ZBTB16: variants seen among roughly 807,000 people sequenced by gnomAD.
ZBTB16 encodes zinc finger and BTB domain containing 16.
ZBTB16 carries 8 observed loss-of-function variants against 56.8 expected under a neutral mutation model. That is an observed-to-expected ratio of 0.14 (90% CI 0.08 to 0.25). The LOEUF (loss-of-function observed/expected upper bound fraction) is 0.25. ZBTB16 is among the 10% of genes least tolerant of loss of function. The pLI, the probability that ZBTB16 is intolerant of heterozygous loss-of-function variation, is 1.00. For synonymous variants in ZBTB16, 363 were observed against 368.5 expected (o/e 0.98, Z 0.17); for missense variants, 625 against 903.0 (o/e 0.69, Z 3.95).
intron 4 of ZBTB16, among the ~76,000 whole-genome samples, chr11:114,219,052 G>A (rs920263424): frequency 6.6e-6 from 1 of 152,180 alleles, no homozygotes; most frequent in Non-Finnish European, 1.5e-5. Context: ...GCACGCCCAT[G>A]TGCTGGCATG....
rs915939444 is a variant in ZBTB16, at chr11:114,254,014, G to C, written c.*3459G>C. Among the ~76,000 whole-genome samples the C allele has an allele frequency of 1.3e-5, 2 of 152,056 alleles. No homozygotes were observed. Among genetic ancestry groups the C allele is most frequent in the Admixed American group, 1.3e-4 (2 of 15,270 alleles). ...TGAAAAACTTCTCCAGCCTGGCAAGGCCACGTTGGTTAATAGTCCCTTTCC... is the reference window on the plus strand; with the variant it reads ...TGAAAAACTTCTCCAGCCTGGCAAGCCCACGTTGGTTAATAGTCCCTTTCC... On this transcript the variant is annotated 3_prime_UTR_variant, in exon 7 of 7. Transcript: ENST00000335953.
At chr11:114,148,344 C>CGG (rs1565651513) in intron 2 of ZBTB16, among the ~76,000 whole-genome samples, 635 of 48,372 alleles carry the variant, frequency 0.013, 24 homozygotes, top group Middle Eastern at 0.032. Context: ...TGGCTTCCTT[C>CGG]CTTCCTTCCT....
At chr11:114,217,343 A>G (rs538966240) in intron 4 of ZBTB16, among the ~76,000 whole-genome samples, 1 of 152,248 alleles carries the variant, frequency 6.6e-6, no homozygotes, top group African/African-American at 2.4e-5. Context: ...AGAGGGAGGT[A>G]AGCTGTGTTT....
intron 4 of ZBTB16, among the ~76,000 whole-genome samples, chr11:114,229,514 G>T (rs1374718598): frequency 6.6e-6 from 1 of 152,144 alleles, no homozygotes; most frequent in African/African-American, 2.4e-5. Flanking sequence ...AGTATACCCG[G>T]CTGCTTCTAA....
intron 4 of ZBTB16, among the ~76,000 whole-genome samples, chr11:114,233,077 GCGCGCACACACACA>G (rs1420460053): frequency 5.6e-5 from 2 of 35,750 alleles, no homozygotes; most frequent in South Asian, 1.6e-3. Context: ...GCGCGCGCGC[GCGCGCACACACACA>G]CACACACACA....
intron 4 of ZBTB16, among the ~76,000 whole-genome samples, chr11:114,232,207 C>T (rs371877792): frequency 6.6e-6 from 1 of 152,130 alleles, no homozygotes; most frequent in Non-Finnish European, 1.5e-5. Context: ...GCTCATGCAA[C>T]CTTGCAGAGG....
At chr11:114,108,068 G>A (rs937093837) in intron 2 of ZBTB16, among the ~76,000 whole-genome samples, 5 of 152,132 alleles carry the variant, frequency 3.3e-5, no homozygotes, top group African/African-American at 4.8e-5. Flanking sequence ...AATGCTGCTT[G>A]TGAGAGGAAA....
At chr11:114,070,992 G>A (rs115429964) in intron 2 of ZBTB16, among the ~76,000 whole-genome samples, 2,687 of 152,264 alleles carry the variant, frequency 0.018, 64 homozygotes, top group African/African-American at 0.053. Flanking sequence ...CTAGCTCTGC[G>A]TTTTTCAGCT....
intron 2 of ZBTB16, among the ~76,000 whole-genome samples, chr11:114,126,970 A>G (rs1051853762): frequency 2.0e-5 from 3 of 152,180 alleles, no homozygotes; most frequent in Non-Finnish European, 4.4e-5. Flanking sequence ...GGTTGTAAGC[A>G]TCTTGAAGGC....
rs771400306 is a variant in ZBTB16, at chr11:114,255,682, G to C, written c.*5127G>C. On this transcript the variant is annotated 3_prime_UTR_variant, in exon 7 of 7. Coordinates refer to ENST00000335953, the MANE Select transcript of ZBTB16 (RefSeq NM_006006.6). ...CTGCCTTCGTTTCGTGTAGATTGAC[G>C]CGTTTCTTTGTAATTTCAGTGTTTC... is the stretch of plus-strand genomic sequence containing the variant. Among the ~76,000 whole-genome samples the C allele has an allele frequency of 6.8e-6, 1 of 147,798 alleles. No homozygotes were observed. Among genetic ancestry groups the C allele is most frequent in the South Asian group, 2.1e-4 (1 of 4,698 alleles).
At chr11:114,101,067 C>T (rs1477543912) in intron 2 of ZBTB16, among the ~76,000 whole-genome samples, 1 of 152,136 alleles carries the variant, frequency 6.6e-6, no homozygotes, top group Admixed American at 6.5e-5. Flanking sequence ...GTGGCATAAT[C>T]TCGGCTCACT....
rs577358525 is a variant in ZBTB16, at chr11:114,085,264, T to C, written c.1268+20696T>C. 5.3e-5 allele frequency among the ~76,000 whole-genome samples: 8 copies of C among 152,350 alleles called. No individual in the cohort carries two copies. The South Asian group carries it at 1.7e-3, about 32-fold the overall frequency. The stretch of plus-strand genomic sequence containing the variant: ...TGCTCTGGTATCTTCTCTTCCATTC[T>C]ATCTTATTTCATTTAAGAACGTTAA... On this transcript the variant is annotated intron_variant, in intron 2 of 6. Transcript: ENST00000335953.
At chr11:114,100,723 G>A (rs1378876514) in intron 2 of ZBTB16, among the ~76,000 whole-genome samples, 2 of 152,170 alleles carry the variant, frequency 1.3e-5, no homozygotes, top group African/African-American at 4.8e-5. Flanking sequence ...GGACCCTTTT[G>A]TGAGATGCGG....
intron 2 of ZBTB16, among the ~76,000 whole-genome samples, chr11:114,097,000 T>A (rs970501598): frequency 3.3e-5 from 5 of 152,172 alleles, no homozygotes; most frequent in African/African-American, 7.2e-5. Context: ...TGCACACCCA[T>A]GTTCATAGCA....
intron 2 of ZBTB16, among the ~76,000 whole-genome samples, chr11:114,105,532 G>T (rs143693005): frequency 2.6e-5 from 4 of 152,270 alleles, no homozygotes; most frequent in African/African-American, 7.2e-5. Context: ...GAGCCACCGC[G>T]CCCGACCCAA....
At chr11:114,139,921 C>T (rs1027723481) in intron 2 of ZBTB16, among the ~76,000 whole-genome samples, 22 of 152,086 alleles carry the variant, frequency 1.4e-4, no homozygotes, top group Admixed American at 7.2e-4. Flanking sequence ...ATAGGAAGGA[C>T]GGCACCGAGG....
rs575076778 is a variant in ZBTB16, at chr11:114,094,857, C to T, written c.1268+30289C>T. Among the ~76,000 whole-genome samples the T allele has an allele frequency of 4.6e-5, 7 of 152,332 alleles. No homozygotes were observed. The South Asian group carries it at 1.4e-3, about 32-fold the overall frequency. ...GGTGAGATGTTTTGAGCTATCAGTT[C>T]CAAGTTTCCAAAGGCCAAGGCCTCT... On this transcript the variant is annotated intron_variant, in intron 2 of 6. Coordinates refer to ENST00000335953, the MANE Select transcript of ZBTB16 (RefSeq NM_006006.6).
rs570850654 is a variant in ZBTB16, at chr11:114,250,928, G to T, written c.*373G>T. Among the ~76,000 whole-genome samples, 7 of 152,282 alleles carry T rather than the reference G, an allele frequency of 4.6e-5. No individual in the cohort carries two copies. Among genetic ancestry groups the T allele is most frequent in the African/African-American group, 1.7e-4 (7 of 41,558 alleles). ...AGAGGTCCTCTGGTCAGAGCCACAC[G>T]GTCTGTGCCGGCCTTCCTCCACCAA... is the stretch of plus-strand genomic sequence containing the variant. On this transcript the variant is annotated 3_prime_UTR_variant, in exon 7 of 7. Transcript: ENST00000335953. The surrounding 1 kb of genome is among the most constrained non-coding windows in gnomAD (Gnocchi z 6.0).
chr11:114,145,983 GA>G (rs1364841780), intron 2 of ZBTB16, among the ~76,000 whole-genome samples: 1 of 152,138 alleles, frequency 6.6e-6, no homozygotes, highest in African/African-American at 2.4e-5. Context: ...TGTTATAAAG[GA>G]AATCAACAAA....
Sources: allele counts gnomAD v4.1 joint callset (sites outside exome capture counted in the v4.1 genomes callset), GRCh38; gene constraint gnomAD v4.1.1; non-coding constraint Gnocchi (gnomAD v3.1); transcripts MANE v1.5; gene names NCBI Gene and HGNC (gene_info 2026-07-23, HGNC 2026-07-21).